PTPRD: variants seen among roughly 807,000 people sequenced by gnomAD.
The protein encoded by PTPRD is receptor-type tyrosine-protein phosphatase delta.
PTPRD carries 34 observed loss-of-function variants against 214.5 expected under a neutral mutation model. That is an observed-to-expected ratio of 0.16 (90% confidence interval 0.12 to 0.21). The LOEUF (loss-of-function observed/expected upper bound fraction) is 0.21, where lower values mean the gene tolerates loss of function less well. Among genes scored for constraint, PTPRD ranks in the 10% least tolerant of loss-of-function variants. PTPRD has a pLI of 1.00. For synonymous variants in PTPRD, 1,128 were observed against 845.7 expected (o/e 1.33, Z -5.79); for missense variants, 2,545 against 2,398.7 (o/e 1.06, Z -1.27).
chr9:8,942,188 G>A (rs150085525), intron 11 of PTPRD, among the ~76,000 whole-genome samples: 30 of 152,164 alleles, frequency 2.0e-4, no homozygotes, highest in Non-Finnish European at 4.0e-4. Flanking sequence ...TTTACCCATT[G>A]CCAGCAACTA....
intron 7 of PTPRD, among the ~76,000 whole-genome samples, chr9:9,698,879 G>A (rs1405440371): frequency 2.0e-5 from 3 of 152,108 alleles, no homozygotes; most frequent in Non-Finnish European, 4.4e-5. Flanking sequence ...CTCCTAGCAT[G>A]GAGTTTTTAC....
At chr9:9,557,239 T>C (rs1454212246) in intron 8 of PTPRD, among the ~76,000 whole-genome samples, 1 of 152,034 alleles carries the variant, frequency 6.6e-6, no homozygotes, top group East Asian at 1.9e-4. Flanking sequence ...GGGGGAAGGG[T>C]GTCCAGACAT....
intron 11 of PTPRD, among the ~76,000 whole-genome samples, chr9:8,984,268 C>A (rs1403400240): frequency 6.6e-6 from 1 of 151,812 alleles, no homozygotes; most frequent in African/African-American, 2.4e-5. Flanking sequence ...ATTTTTAGTA[C>A]AATTACTGGC....
At chr9:9,772,167 G>C (rs1274957496) in intron 5 of PTPRD, among the ~76,000 whole-genome samples, 1 of 151,980 alleles carries the variant, frequency 6.6e-6, no homozygotes, top group African/African-American at 2.4e-5. Flanking sequence ...TTAAAGAGGA[G>C]GATGCTAGAA....
At chr9:8,833,103 C>A (rs183980199) in intron 11 of PTPRD, among the ~76,000 whole-genome samples, 3 of 152,224 alleles carry the variant, frequency 2.0e-5, no homozygotes, top group Admixed American at 6.5e-5. Flanking sequence ...AGTTCATACA[C>A]AGGCCACAGC....
intron 11 of PTPRD, among the ~76,000 whole-genome samples, chr9:8,745,337 G>A (rs910149953): frequency 6.6e-6 from 1 of 152,248 alleles, no homozygotes; most frequent in Admixed American, 6.5e-5. Flanking sequence ...GATAGCTGAG[G>A]CGATGTCATG....
At chr9:8,402,921 A>C (rs546207397) in intron 36 of PTPRD, among the ~76,000 whole-genome samples, 141 of 152,272 alleles carry the variant, frequency 9.3e-4, no homozygotes, top group African/African-American at 3.1e-3. Context: ...GTGGGTGCCT[A>C]GAAAAGGGAT....
chr9:10,455,864 G>A (rs1412340784), intron 2 of PTPRD, among the ~76,000 whole-genome samples: 1 of 151,720 alleles, frequency 6.6e-6, no homozygotes, highest in Non-Finnish European at 1.5e-5. Flanking sequence ...AAAACCAATT[G>A]TGTTACCTTT....
intron 14 of PTPRD, among the ~76,000 whole-genome samples, chr9:8,609,258 T>C (rs1309580044): frequency 6.6e-6 from 1 of 152,172 alleles, no homozygotes; most frequent in Admixed American, 6.5e-5. Flanking sequence ...AGGACTTGAG[T>C]GTGTTCACGT....
chr9:9,904,734 C>G (rs1322107420), intron 5 of PTPRD, among the ~76,000 whole-genome samples: 2 of 152,116 alleles, frequency 1.3e-5, no homozygotes, highest in Non-Finnish European at 2.9e-5. Flanking sequence ...GCTTAAACAT[C>G]TTTTTAATTT....
chr9:10,332,719 G>C (rs1444342986), intron 3 of PTPRD, among the ~76,000 whole-genome samples: 1 of 151,570 alleles, frequency 6.6e-6, no homozygotes, highest in African/African-American at 2.4e-5. Context: ...GTTTTTCAAG[G>C]TCACACAATT....
intron 5 of PTPRD, among the ~76,000 whole-genome samples, chr9:9,775,805 A>C (rs747595791): frequency 6.6e-6 from 1 of 151,934 alleles, no homozygotes; most frequent in Non-Finnish European, 1.5e-5. Context: ...ACAAACAAAA[A>C]AATAGCCGGG....
intron 3 of PTPRD, among the ~76,000 whole-genome samples, chr9:10,205,484 C>T (rs914643377): frequency 2.6e-5 from 4 of 151,898 alleles, no homozygotes; most frequent in African/African-American, 7.3e-5. Context: ...TGGCTCACTG[C>T]AACCTCCACC....
At chr9:9,292,708 AAT>A (rs974794825) in intron 9 of PTPRD, among the ~76,000 whole-genome samples, 1 of 151,408 alleles carries the variant, frequency 6.6e-6, no homozygotes, top group African/African-American at 2.4e-5. Flanking sequence ...CATTATATTT[AAT>A]AGTCATATCT....
chr9:9,260,895 C>T (rs1010155672), intron 9 of PTPRD, among the ~76,000 whole-genome samples: 1 of 151,836 alleles, frequency 6.6e-6, no homozygotes, highest in Non-Finnish European at 1.5e-5. Context: ...ACTGCTCCAT[C>T]CTGCAATCAA....
At chr9:10,309,792 C>A (rs1413209047) in intron 3 of PTPRD, among the ~76,000 whole-genome samples, 1 of 151,748 alleles carries the variant, frequency 6.6e-6, no homozygotes, top group Admixed American at 6.6e-5. Context: ...TCAATTTAAA[C>A]AAAAAAATTA....
intron 3 of PTPRD, among the ~76,000 whole-genome samples, chr9:10,302,409 C>A (rs2095889645): frequency 6.6e-6 from 1 of 152,142 alleles, no homozygotes; most frequent in Non-Finnish European, 1.5e-5. Context: ...CAAATTCACA[C>A]ATAACAATAT....
chr9:8,416,565 AG>A (rs1198039543), intron 35 of PTPRD, among the ~76,000 whole-genome samples: 1 of 152,156 alleles, frequency 6.6e-6, no homozygotes, highest in Non-Finnish European at 1.5e-5. Flanking sequence ...AACACTCTGG[AG>A]GGGATTTTGT....
chr9:9,961,756 C>A (rs1214226078), intron 4 of PTPRD, among the ~76,000 whole-genome samples: 1 of 151,982 alleles, frequency 6.6e-6, no homozygotes, highest in Non-Finnish European at 1.5e-5. Flanking sequence ...CGGTGCTTGG[C>A]AAACATGATG....
Sources: allele counts gnomAD v4.1 joint callset (sites outside exome capture counted in the v4.1 genomes callset), GRCh38; gene constraint gnomAD v4.1.1; transcripts MANE v1.5; gene names NCBI Gene and HGNC (gene_info 2026-07-23, HGNC 2026-07-21).